The following SRGN variants were observed in gnomAD, a reference collection of about 807,000 sequenced individuals.
SRGN encodes serglycin, also known as hematopoetic proteoglycan core peptide.
A neutral mutation model predicts 9.5 loss-of-function variants in SRGN; 2 were observed. That is an observed-to-expected ratio of 0.21 (90% CI 0.09 to 0.66). The LOEUF is 0.66. SRGN is among the 30% of genes least tolerant of loss of function. The probability of loss-of-function intolerance (pLI) is 0.83; values close to 1 mark genes in which losing one functional copy is unlikely to be tolerated. For missense variants in SRGN, 170 were observed against 192.4 expected, an observed-to-expected ratio of 0.88 and a Z score of 0.69; for synonymous variants, 59 against 72.3, an observed-to-expected ratio of 0.82 and a Z score of 0.93.
intron 1 of SRGN, among the ~76,000 whole-genome samples, chr10:69,095,197 A>G (rs182109538): frequency 5.1e-4 from 77 of 151,066 alleles, no homozygotes; most frequent in African/African-American, 1.6e-3. Context: ...CATCCCAGCT[A>G]CTCGGGAGGC....
At chr10:69,099,726 A>T (rs1341135255) in intron 2 of SRGN, among the ~76,000 whole-genome samples, 1 of 152,208 alleles carries the variant, frequency 6.6e-6, no homozygotes, top group Non-Finnish European at 1.5e-5. Flanking sequence ...CTTACTTTAA[A>T]GCCTCAGCAT....
At chr10:69,089,815 G>T (rs1840012818) in intron 1 of SRGN, among the ~76,000 whole-genome samples, 1 of 152,146 alleles carries the variant, frequency 6.6e-6, no homozygotes, top group Non-Finnish European at 1.5e-5. Context: ...AGAATTGCTT[G>T]AACCTGGGAG....
At chr10:69,098,964 GA>G (rs988352827) in intron 2 of SRGN, among the ~76,000 whole-genome samples, 79 of 145,932 alleles carry the variant, frequency 5.4e-4, no homozygotes, top group African/African-American at 1.5e-3. Flanking sequence ...CTCAAAAAAA[GA>G]AAAAAAAAAT....
chr10:69,102,799 T>C (rs1840318980), intron 2 of SRGN, among the ~76,000 whole-genome samples: 1 of 152,228 alleles, frequency 6.6e-6, no homozygotes, highest in South Asian at 2.1e-4. Flanking sequence ...CTGGTAAATA[T>C]AAAGCTTAGC....
At chr10:69,090,293 G>A (rs1840025040) in intron 1 of SRGN, among the ~76,000 whole-genome samples, 2 of 152,204 alleles carry the variant, frequency 1.3e-5, no homozygotes, top group Non-Finnish European at 2.9e-5. Flanking sequence ...CTAGCCCGTT[G>A]GTTTGGCAGA....
At chr10:69,087,992 C>G, upstream of SRGN, 9 of 595,998 alleles carry the variant, frequency 1.5e-5, no homozygotes, top group Non-Finnish European at 6.0e-6. Context: ...CCCTTTCTTT[C>G]TGGGTTTTGA....
intron 1 of SRGN, among the ~76,000 whole-genome samples, chr10:69,093,348 T>C (rs1449055466): frequency 3.3e-5 from 5 of 152,246 alleles, no homozygotes; most frequent in African/African-American, 1.2e-4. Context: ...TTAAATAAAA[T>C]TAATTTCACC....
chr10:69,099,677 A>T (rs1840251203), intron 2 of SRGN, among the ~76,000 whole-genome samples: 1 of 152,160 alleles, frequency 6.6e-6, no homozygotes, highest in Non-Finnish European at 1.5e-5. Context: ...ACATCATTAC[A>T]ATCTTCAATA....
chr10:69,100,243 A>G (rs1226175296), intron 2 of SRGN, among the ~76,000 whole-genome samples: 1 of 152,082 alleles, frequency 6.6e-6, no homozygotes, highest in Non-Finnish European at 1.5e-5. Flanking sequence ...CCTCGTCTCT[A>G]TAGAAAGACA....
intron 2 of SRGN, among the ~76,000 whole-genome samples, chr10:69,103,192 G>T (rs1403735423): frequency 6.6e-6 from 1 of 152,000 alleles, no homozygotes; most frequent in Admixed American, 6.6e-5. Flanking sequence ...ACCCACCTTG[G>T]CCTCCCAAAG....
At chr10:69,092,735 A>G (rs1175579430) in intron 1 of SRGN, among the ~76,000 whole-genome samples, 1 of 148,658 alleles carries the variant, frequency 6.7e-6, no homozygotes. Flanking sequence ...TGGAGGTTGC[A>G]GTGAGCTGAG....
chr10:69,102,820 G>T (rs1840319112), intron 2 of SRGN, among the ~76,000 whole-genome samples: 1 of 152,162 alleles, frequency 6.6e-6, no homozygotes, highest in South Asian at 2.1e-4. Flanking sequence ...TTTTTACAAA[G>T]AATTTCTCAA....
intron 1 of SRGN, among the ~76,000 whole-genome samples, chr10:69,091,879 CAAAAAAAAAAAAAAA>C (rs1177012248): frequency 3.8e-4 from 12 of 31,772 alleles, no homozygotes; most frequent in Admixed American, 5.5e-4. Context: ...GACTCTGTCT[CAAAAAAAAAAAAAAA>C]AAAAAAAAAA....
chr10:69,103,202 G>T (rs1589332510), intron 2 of SRGN, among the ~76,000 whole-genome samples: 1 of 151,844 alleles, frequency 6.6e-6, no homozygotes, highest in Middle Eastern at 3.4e-3. Context: ...GCCTCCCAAA[G>T]TGCTTGGATT....
chr10:69,089,752 C>T (rs142889160), intron 1 of SRGN, among the ~76,000 whole-genome samples: 4,527 of 151,964 alleles, frequency 0.03, 202 homozygotes, highest in African/African-American at 0.1. Flanking sequence ...AAAAATTAGC[C>T]GGGCATGGTG....
intron 1 of SRGN, among the ~76,000 whole-genome samples, chr10:69,096,164 G>A (rs1023998606): frequency 1.3e-5 from 2 of 152,138 alleles, no homozygotes; most frequent in Non-Finnish European, 2.9e-5. Context: ...AGAATTCTGT[G>A]ATACCACGGG....
Position 69,097,104 on chromosome 10 carries a change from A to G in SRGN, c.100A>G (p.Arg34Gly). 1 of 1,614,010 alleles carries G rather than the reference A, an allele frequency of 6.2e-7. No homozygotes were observed. Residue 34 changes from arginine (R) to glycine (G), a missense_variant, in exon 2 of 3, where the codon AGG becomes GGG. Physicochemically the swap from Arg to Gly is moderately radical, Grantham distance 125. Transcript: ENST00000242465. ...GGCAGGTTATCCTACGCGGAGAGCC[A>G]GGTACCAATGGGTGCGCTGCAATCC... Reference protein sequence around the residue: ...SVQGYPTRRARYQWVRCNPDS... With the variant: ...SVQGYPTRRAGYQWVRCNPDS...
intron 2 of SRGN, among the ~76,000 whole-genome samples, chr10:69,099,303 T>C (rs970902009): frequency 8.4e-5 from 11 of 130,182 alleles, no homozygotes; most frequent in Non-Finnish European, 1.5e-4. Flanking sequence ...GGCAACTTTC[T>C]CTTTTGTTTT....
Position 69,103,931 on chromosome 10 carries a change from A to AGGTTTC in SRGN, c.290_291insTTTCGG (p.Phe98_Gly99dup). 1 of 1,614,172 alleles carries AGGTTTC rather than the reference A, an allele frequency of 6.2e-7. No homozygotes were observed. Among genetic ancestry groups the AGGTTTC allele is most frequent in the Non-Finnish European group, 8.5e-7 (1 of 1,180,030 alleles). The stretch of plus-strand genomic sequence containing the variant: ...CACTTTCTGAGGACTACTCTGGATC[A>AGGTTTC]GGCTTCGGCTCCGGCTCCGGCTCTG... On this transcript the variant is annotated inframe_insertion, in exon 3 of 3. Transcript: ENST00000242465.
Sources: gnomAD v4.1 joint callset for allele counts (sites outside exome capture counted in the v4.1 genomes callset) on GRCh38, gnomAD v4.1.1 for gene constraint, MANE v1.5 for transcripts, NCBI Gene and HGNC (gene_info 2026-07-23, HGNC 2026-07-21) for gene names.